ALLC: variants seen among roughly 807,000 people sequenced by gnomAD.
ALLC encodes allantoicase.
A neutral mutation model predicts 45.0 loss-of-function variants in ALLC; 40 were observed. The ratio of observed to expected loss-of-function variants is 0.89; its 90% CI spans 0.69 to 1.16. The LOEUF (loss-of-function observed/expected upper bound fraction) is 1.16, where lower values mean the gene tolerates loss of function less well. Among genes scored for constraint, ALLC ranks in the 50% most tolerant of loss-of-function variants. The pLI is 0.00. For synonymous variants in ALLC, 176 were observed against 178.1 expected, an observed-to-expected ratio of 0.99 and a Z score of 0.09; for missense variants, 488 against 493.1, an observed-to-expected ratio of 0.99 and a Z score of 0.10.
At chr2:3,646,499 C>T in the ALLC span, among the ~76,000 whole-genome samples, 1 of 152,178 alleles carries the variant, frequency 6.6e-6, no homozygotes, top group South Asian at 2.1e-4. Context: ...ACATAGCAAA[C>T]AAGTTTATTC....
At position 3,687,750 on chromosome 2, in the gene ALLC, T is replaced by C. The variant is rs1022476665; in HGVS notation, c.511+4676T>C. 3.3e-5 allele frequency among the ~76,000 whole-genome samples: 5 copies of C among 151,108 alleles called. No homozygotes were observed. The South Asian group carries it at 8.3e-4, about 25-fold the overall frequency. ...TGTAGTTGTTCATAATAGTCTCTAA[T>C]TGATCTTTGTAATTCTGTGGTCACA... On this transcript the variant is annotated intron_variant, in intron 7 of 11. Transcript: ENST00000252505.
rs1667258053 is a variant in ALLC at position 3,683,744 on chromosome 2, G to C, written c.511+670G>C. 2.0e-5 allele frequency among the ~76,000 whole-genome samples: 3 copies of C among 152,118 alleles called. No individual in the cohort carries two copies. In the East Asian group the frequency reaches 5.8e-4, roughly 29 times the overall value. ...TAACACTTTCTTTCTTTTTGTGTAAGGCTAATATAGGTTGAGCATCTCAAA... is the reference window on the plus strand; with the variant it reads ...TAACACTTTCTTTCTTTTTGTGTAACGCTAATATAGGTTGAGCATCTCAAA... On this transcript the variant is annotated intron_variant, in intron 7 of 11. Transcript: ENST00000252505.
chr2:3,672,011 A>G (rs76710282), intron 2 of ALLC, among the ~76,000 whole-genome samples: 8 of 91,376 alleles, frequency 8.8e-5, no homozygotes, highest in South Asian at 3.3e-4. Flanking sequence ...CTCTGGCTCT[A>G]GTTAGATCCG....
chr2:3,697,259 C>A, intron 9 of ALLC, 89 bp from the exon 10 acceptor site: 1 of 929,744 alleles, frequency 1.1e-6, no homozygotes, highest in South Asian at 1.4e-5. Context: ...AAAAGAAACA[C>A]GTCAACCTTT....
intron 7 of ALLC, among the ~76,000 whole-genome samples, chr2:3,683,783 A>G (rs1464149218): frequency 1.3e-5 from 2 of 152,186 alleles, no homozygotes; most frequent in Admixed American, 1.3e-4. Context: ...GAAAGCCCCA[A>G]AATTTGAAAT....
At chr2:3,692,085 C>T (rs1392222106) in intron 7 of ALLC, among the ~76,000 whole-genome samples, 2 of 152,174 alleles carry the variant, frequency 1.3e-5, no homozygotes, top group African/African-American at 4.8e-5. Context: ...GTTCATATAT[C>T]ACTGTCTTAT....
At chr2:3,652,219 G>A in the ALLC span, among the ~76,000 whole-genome samples, 1 of 152,220 alleles carries the variant, frequency 6.6e-6, no homozygotes, top group Admixed American at 6.5e-5. Context: ...GGTGCGGGTG[G>A]TTGCTAGGCT....
intron 1 of ALLC, among the ~76,000 whole-genome samples, chr2:3,659,118 G>T (rs898851854): frequency 1.3e-5 from 2 of 152,054 alleles, no homozygotes; most frequent in Non-Finnish European, 2.9e-5. Context: ...TTGGCCAAAG[G>T]CTTCTTCGGA....
chr2:3,679,113 C>T (rs967411697), intron 4 of ALLC, among the ~76,000 whole-genome samples: 2 of 152,160 alleles, frequency 1.3e-5, no homozygotes, highest in African/African-American at 4.8e-5. Flanking sequence ...GCAAACAAAT[C>T]CAGGCATTAG....
chr2:3,684,053 A>C (rs1280820523), intron 7 of ALLC, among the ~76,000 whole-genome samples: 1 of 152,254 alleles, frequency 6.6e-6, no homozygotes, highest in Non-Finnish European at 1.5e-5. Flanking sequence ...TGCTGTAAAC[A>C]TTTGTGTACA....
intron 9 of ALLC, among the ~76,000 whole-genome samples, chr2:3,696,918 T>A (rs1296442627): frequency 6.6e-6 from 1 of 152,216 alleles, no homozygotes; most frequent in Non-Finnish European, 1.5e-5. Flanking sequence ...CACCTGATGC[T>A]TTGAGATATC....
chr2:3,648,177 G>A, the ALLC span, among the ~76,000 whole-genome samples: 1,213 of 152,274 alleles, frequency 8.0e-3, 9 homozygotes, highest in African/African-American at 0.028. Flanking sequence ...GCCTAGAGAG[G>A]TTTGTCCTCT....
chr2:3,664,991 G>A (rs572515700), intron 1 of ALLC, among the ~76,000 whole-genome samples: 1 of 151,680 alleles, frequency 6.6e-6, no homozygotes, highest in South Asian at 2.1e-4. Flanking sequence ...GATTTTTTGA[G>A]GTACCACAAA....
chr2:3,655,319 C>T (rs1572498242), upstream of ALLC, among the ~76,000 whole-genome samples: 2 of 152,182 alleles, frequency 1.3e-5, no homozygotes, highest in African/African-American at 4.8e-5. Flanking sequence ...AAGAATGGGG[C>T]GTGGATGCAG....
At chr2:3,666,259 T>A (rs1401169447) in intron 1 of ALLC, among the ~76,000 whole-genome samples, 1 of 152,228 alleles carries the variant, frequency 6.6e-6, no homozygotes, top group Non-Finnish European at 1.5e-5. Flanking sequence ...CGGGGCATAG[T>A]GAGCTTGCTG....
chr2:3,674,892 C>G (rs1250237062), intron 3 of ALLC, among the ~76,000 whole-genome samples: 1 of 152,218 alleles, frequency 6.6e-6, no homozygotes, highest in Non-Finnish European at 1.5e-5. Context: ...TACCACAGGT[C>G]CGGTCTTTGA....
intron 1 of ALLC, among the ~76,000 whole-genome samples, chr2:3,670,245 G>C (rs2147997246): frequency 6.6e-6 from 1 of 152,330 alleles, no homozygotes; most frequent in South Asian, 2.1e-4. Context: ...TTTCAAGGAA[G>C]AGCTGACTTC....
intron 9 of ALLC, 107 bp downstream of exon 9, chr2:3,696,455 G>A: frequency 1.2e-6 from 1 of 804,076 alleles, no homozygotes; most frequent in Non-Finnish European, 1.9e-6. Flanking sequence ...CATATGCATT[G>A]TTCTAAATGC....
At chr2:3,654,750 C>T (rs376450477), upstream of ALLC, among the ~76,000 whole-genome samples, 4 of 152,312 alleles carry the variant, frequency 2.6e-5, no homozygotes, top group South Asian at 2.1e-4. Context: ...GTGGAAGAAA[C>T]GTATTCTCAG....
Sources: allele counts gnomAD v4.1 joint callset (sites outside exome capture counted in the v4.1 genomes callset), GRCh38; gene constraint gnomAD v4.1.1; transcripts MANE v1.5; gene names NCBI Gene and HGNC (gene_info 2026-07-23, HGNC 2026-07-21).